GAS2: variants seen among roughly 807,000 people sequenced by gnomAD.
GAS2 encodes growth arrest-specific protein 2.
Under a neutral mutation model 37.5 loss-of-function variants are expected in GAS2, and 20 were observed. The observed-to-expected ratio is 0.53, with a 90% CI of 0.37 to 0.77. The LOEUF (loss-of-function observed/expected upper bound fraction) is 0.77. Ranked by LOEUF, GAS2 falls within the 30% of genes least tolerant of loss-of-function variation. The pLI is 0.00. For missense variants in GAS2, 336 were observed against 373.4 expected, an observed-to-expected ratio of 0.90 and a Z score of 0.82; for synonymous variants, 144 against 132.2, an observed-to-expected ratio of 1.09 and a Z score of -0.61.
intron 7 of GAS2, among the ~76,000 whole-genome samples, chr11:22,777,990 A>G (rs1226905179): frequency 1.3e-5 from 2 of 152,312 alleles, no homozygotes; most frequent in South Asian, 4.1e-4. Context: ...AAAATGATGA[A>G]CAATGTTAGT....
chr11:22,734,317 A>T (rs1427473236), intron 4 of GAS2, among the ~76,000 whole-genome samples: 1 of 151,764 alleles, frequency 6.6e-6, no homozygotes, highest in East Asian at 1.9e-4. Flanking sequence ...TTGCTGAAGG[A>T]TATCTACTTT....
intron 7 of GAS2, among the ~76,000 whole-genome samples, chr11:22,776,488 G>A (rs528063467): frequency 6.6e-5 from 10 of 152,266 alleles, no homozygotes; most frequent in South Asian, 4.2e-4. Flanking sequence ...CAGTAGTTGT[G>A]GCAGCTTCGG....
intron 6 of GAS2, among the ~76,000 whole-genome samples, chr11:22,751,176 G>A (rs1853706641): frequency 1.3e-5 from 2 of 151,926 alleles, no homozygotes; most frequent in Non-Finnish European, 2.9e-5. Context: ...CTGGCCTACT[G>A]TGTGTTTTCT....
chr11:22,697,930 C>T (rs1230971873), intron 3 of GAS2, among the ~76,000 whole-genome samples: 1 of 152,134 alleles, frequency 6.6e-6, no homozygotes, highest in East Asian at 1.9e-4. Flanking sequence ...ATTGAATACC[C>T]TTTATTTCCT....
intron 2 of GAS2, among the ~76,000 whole-genome samples, chr11:22,682,888 G>GAAAA (rs57025584): frequency 3.9e-5 from 4 of 102,360 alleles, no homozygotes; most frequent in Non-Finnish European, 6.1e-5. Context: ...AAAAAAAAAG[G>GAAAA]AAAAAAAAAA....
Position 22,748,972 on chromosome 11 carries a change from G to A in GAS2, c.474-148G>A. The A allele has an allele frequency of 5.2e-6, 4 of 768,178 alleles. No homozygotes were observed. The South Asian group carries it at 6.1e-5, about 12-fold the overall frequency. 47.6% of individuals were successfully genotyped at this position (768,178 alleles called of 1,614,324 possible). A position where few individuals can be genotyped will look rare whatever the true frequency, so the allele number is the denominator to read the frequency against. The stretch of plus-strand genomic sequence containing the variant: ...TCTGCTTAGAAGGATGCTAATTCAA[G>A]AGCTTACAATTTCAATGCCAGAAAA... On this transcript the variant is annotated intron_variant, in intron 5 of 7. Coordinates refer to ENST00000454584, the MANE Select transcript of GAS2 (RefSeq NM_001143830.3).
At chr11:22,664,505 C>T (rs1848952683), upstream of GAS2, among the ~76,000 whole-genome samples, 1 of 152,124 alleles carries the variant, frequency 6.6e-6, no homozygotes. Context: ...AAAAACTAAA[C>T]TGTTTAAATC....
At position 22,674,907 on chromosome 11, in the gene GAS2, C is replaced by A. The variant is rs758180568; in HGVS notation, c.38C>A (p.Pro13His). Reference protein sequence around the residue: ...TALSPKVRSGPGLSDMHQYSQ... With the variant: ...TALSPKVRSGHGLSDMHQYSQ... ...CTGAGCCCAAAGGTACGCAGTGGAC[C>A]TGGCCTCTCTGATATGCATCAGTAT... The change falls in exon 2 of 8, where the codon CCT becomes CAT. Residue 13 changes from proline (P) to histidine (H), a missense_variant. Pro to His is a moderately conservative substitution (Grantham distance 77). Coordinates refer to ENST00000454584, the MANE Select transcript of GAS2 (RefSeq NM_001143830.3). The A allele has an allele frequency of 2.5e-6, 4 of 1,613,490 alleles. 1 individual carries two copies. The highest frequency in any genetic ancestry group is 1.1e-5 in the South Asian group (1 of 90,990).
intron 4 of GAS2, among the ~76,000 whole-genome samples, chr11:22,728,612 C>T (rs1343670705): frequency 6.6e-6 from 1 of 151,412 alleles, no homozygotes; most frequent in Non-Finnish European, 1.5e-5. Flanking sequence ...TTGTAAACTT[C>T]TCAGTACCAA....
chr11:22,713,077 A>G (rs1209917887), intron 3 of GAS2, among the ~76,000 whole-genome samples: 2 of 151,082 alleles, frequency 1.3e-5, no homozygotes, highest in South Asian at 2.1e-4. Context: ...AAAAAAAAAA[A>G]AAAGAAAAGA....
chr11:22,660,715 A>T (rs1848906061), intron 1 of GAS2, among the ~76,000 whole-genome samples: 1 of 152,092 alleles, frequency 6.6e-6, no homozygotes, highest in African/African-American at 2.4e-5. Flanking sequence ...CTCTGTGGGG[A>T]TGATGGCTGG....
rs1565085836 is a variant in GAS2 at position 22,685,803 on chromosome 11, A to G, written c.267+14A>G. On this transcript the variant is annotated intron_variant, in intron 3 of 7. Coordinates refer to ENST00000454584, the MANE Select transcript of GAS2 (RefSeq NM_001143830.3). Reference sequence around the variant, plus strand: ...AAGCCCACAAAGGTAAAAGATCCCAATGCAAAAATCACTCTTAGGTGGTAG... The same window carrying G: ...AAGCCCACAAAGGTAAAAGATCCCAGTGCAAAAATCACTCTTAGGTGGTAG... 1.9e-6 allele frequency: 3 copies of G among 1,607,950 alleles called. No individual in the cohort carries two copies. Among genetic ancestry groups the G allele is most frequent in the East Asian group, 2.2e-5 (1 of 44,786 alleles).
chr11:22,698,015 C>G (rs532546803), intron 3 of GAS2, among the ~76,000 whole-genome samples: 32 of 152,270 alleles, frequency 2.1e-4, no homozygotes, highest in African/African-American at 7.7e-4. Flanking sequence ...GCATCCCTGT[C>G]TTGTGCCAGT....
At chr11:22,705,841 A>C (rs959657781) in intron 3 of GAS2, among the ~76,000 whole-genome samples, 3 of 152,208 alleles carry the variant, frequency 2.0e-5, no homozygotes, top group Admixed American at 2.0e-4. Context: ...GTGTACATAC[A>C]TGACCTCCTT....
At chr11:22,647,911 G>T (rs1300074475) in intron 1 of GAS2, among the ~76,000 whole-genome samples, 2 of 152,176 alleles carry the variant, frequency 1.3e-5, no homozygotes, top group African/African-American at 4.8e-5. Context: ...TTGCTGTGCA[G>T]AAGCTCTTGA....
At chr11:22,630,441 T>G (rs999796291) in intron 1 of GAS2, among the ~76,000 whole-genome samples, 12 of 152,146 alleles carry the variant, frequency 7.9e-5, no homozygotes, top group Non-Finnish European at 1.5e-4. Context: ...AAAGCCAAAA[T>G]TGACAAATGG....
chr11:22,757,080 C>G (rs1854082978), intron 7 of GAS2, among the ~76,000 whole-genome samples: 1 of 152,078 alleles, frequency 6.6e-6, no homozygotes, highest in African/African-American at 2.4e-5. Flanking sequence ...AGAATCAAAA[C>G]AGAGAGAGTC....
At chr11:22,781,419 T>G (rs377017042) in intron 7 of GAS2, among the ~76,000 whole-genome samples, 8 of 152,198 alleles carry the variant, frequency 5.3e-5, no homozygotes, top group African/African-American at 1.9e-4. Flanking sequence ...CATGTATGAG[T>G]GCAGCTGCCA....
At chr11:22,638,639 C>T (rs1056996672) in intron 1 of GAS2, among the ~76,000 whole-genome samples, 7 of 152,084 alleles carry the variant, frequency 4.6e-5, no homozygotes, top group African/African-American at 1.2e-4. Flanking sequence ...AGCCGTTGCA[C>T]GCAGCTTGCT....
Sources: gnomAD v4.1 joint callset for allele counts (sites outside exome capture counted in the v4.1 genomes callset) on GRCh38, gnomAD v4.1.1 for gene constraint, MANE v1.5 for transcripts, NCBI Gene and HGNC (gene_info 2026-07-23, HGNC 2026-07-21) for gene names.